The following SGCZ variants were observed in gnomAD, a reference collection of about 807,000 sequenced individuals.
SGCZ encodes sarcoglycan zeta.
In SGCZ, 40 loss-of-function variants were observed where a neutral mutation model predicts 41.3. The observed-to-expected ratio is 0.97, with a 90% confidence interval of 0.75 to 1.26. The LOEUF (loss-of-function observed/expected upper bound fraction) is 1.26, where lower values mean the gene tolerates loss of function less well. SGCZ is among the 50% of genes most tolerant of loss of function. The probability of loss-of-function intolerance (pLI) is 0.00; values close to 1 mark genes in which losing one functional copy is unlikely to be tolerated. For synonymous variants in SGCZ, 206 were observed against 137.5 expected, an observed-to-expected ratio of 1.50 and a Z score of -3.49; for missense variants, 552 against 369.8, an observed-to-expected ratio of 1.49 and a Z score of -4.04.
intron 1 of SGCZ, among the ~76,000 whole-genome samples, chr8:14,671,972 C>A (rs901773324): frequency 4.6e-5 from 7 of 152,004 alleles, no homozygotes; most frequent in Non-Finnish European, 1.0e-4. Flanking sequence ...ATTTTCGAAA[C>A]TGAAGAGACA....
intron 2 of SGCZ, among the ~76,000 whole-genome samples, chr8:14,374,679 A>T (rs1039363227): frequency 2.0e-5 from 3 of 152,196 alleles, no homozygotes; most frequent in African/African-American, 7.2e-5. Flanking sequence ...CCTTCAGATA[A>T]GCTCATTGGC....
intron 2 of SGCZ, among the ~76,000 whole-genome samples, chr8:14,407,477 T>C (rs1799243629): frequency 6.6e-6 from 1 of 152,154 alleles, no homozygotes; most frequent in South Asian, 2.1e-4. Flanking sequence ...AAGGTCTCCC[T>C]ATAAGTAGTT....
At chr8:14,497,546 C>G (rs557512602) in intron 2 of SGCZ, among the ~76,000 whole-genome samples, 1 of 151,098 alleles carries the variant, frequency 6.6e-6, no homozygotes, top group African/African-American at 2.4e-5. Context: ...ACATTATGAG[C>G]TTTGTGTGTG....
chr8:14,266,636 G>C (rs546477303), intron 3 of SGCZ, among the ~76,000 whole-genome samples: 67 of 152,198 alleles, frequency 4.4e-4, no homozygotes, highest in African/African-American at 1.6e-3. Flanking sequence ...ATGTAGTGAA[G>C]AGTGAAGAAA....
rs114097600 is a variant in SGCZ, at chr8:14,711,996, T to C, written c.40-157070A>G. Among the ~76,000 whole-genome samples the C allele has an allele frequency of 9.3e-3, 1,414 of 152,164 alleles. 20 individuals carry two copies. The highest frequency in any genetic ancestry group is 0.032 in the African/African-American group (1,339 of 41,498). Reference sequence around the variant, plus strand: ...AACTAAAGCTTAACCAGGCCAGGCGTGGTGGCTCATGCCTGTAATCCCAGC... The same window carrying C: ...AACTAAAGCTTAACCAGGCCAGGCGCGGTGGCTCATGCCTGTAATCCCAGC... On this transcript the variant is annotated intron_variant, in intron 1 of 7. Transcript: ENST00000382080.
intron 2 of SGCZ, among the ~76,000 whole-genome samples, chr8:14,344,198 C>A (rs1484300720): frequency 1.3e-5 from 2 of 151,788 alleles, no homozygotes; most frequent in East Asian, 3.9e-4. Context: ...AATAGGGGTA[C>A]AGAGGAATAG....
intron 1 of SGCZ, among the ~76,000 whole-genome samples, chr8:14,711,435 CAAA>C (rs543412312): frequency 0.051 from 5,249 of 102,950 alleles, 327 homozygotes; most frequent in African/African-American, 0.17. Flanking sequence ...ACTAAAAATA[CAAA>C]AAAAAAAAAA....
intron 1 of SGCZ, among the ~76,000 whole-genome samples, chr8:15,040,907 T>G (rs1187900146): frequency 5.9e-5 from 9 of 152,140 alleles, no homozygotes; most frequent in Non-Finnish European, 1.2e-4. Context: ...TGAAAAGCTA[T>G]ATAACTTAAA....
At chr8:14,456,215 C>A (rs1800738995) in intron 2 of SGCZ, among the ~76,000 whole-genome samples, 1 of 152,106 alleles carries the variant, frequency 6.6e-6, no homozygotes, top group Non-Finnish European at 1.5e-5. Flanking sequence ...TTGAGACCAT[C>A]CTGACCAACA....
At chr8:14,517,696 C>A (rs1033132345) in intron 2 of SGCZ, among the ~76,000 whole-genome samples, 1 of 151,854 alleles carries the variant, frequency 6.6e-6, no homozygotes, top group African/African-American at 2.4e-5. Flanking sequence ...TTGGCATACG[C>A]ATTTTTAGGG....
chr8:14,728,016 C>T (rs984535918), intron 1 of SGCZ, among the ~76,000 whole-genome samples: 5 of 152,062 alleles, frequency 3.3e-5, no homozygotes, highest in Admixed American at 2.6e-4. Flanking sequence ...CTACTTGATG[C>T]GTCCATTTAT....
intron 1 of SGCZ, among the ~76,000 whole-genome samples, chr8:14,697,274 G>C (rs1808994850): frequency 6.6e-6 from 1 of 151,996 alleles, no homozygotes; most frequent in African/African-American, 2.4e-5. Context: ...TGCCAGAAAT[G>C]ACTCTTGGCA....
chr8:15,081,142 G>A (rs1315229962), intron 1 of SGCZ, among the ~76,000 whole-genome samples: 1 of 152,140 alleles, frequency 6.6e-6, no homozygotes, highest in Non-Finnish European at 1.5e-5. Flanking sequence ...CATATAGTAT[G>A]CTTCTCAAAA....
intron 1 of SGCZ, among the ~76,000 whole-genome samples, chr8:14,756,471 C>T (rs1170516606): frequency 6.6e-6 from 1 of 152,148 alleles, no homozygotes; most frequent in African/African-American, 2.4e-5. Flanking sequence ...AGGCTTGAGC[C>T]ACCACGCCCA....
intron 1 of SGCZ, among the ~76,000 whole-genome samples, chr8:14,844,607 A>G (rs1014559856): frequency 2.0e-5 from 3 of 152,172 alleles, no homozygotes; most frequent in African/African-American, 7.2e-5. Context: ...TTGTCCTAAC[A>G]TGAGGAGATT....
At chr8:14,715,132 C>G (rs1809646752) in intron 1 of SGCZ, among the ~76,000 whole-genome samples, 1 of 151,996 alleles carries the variant, frequency 6.6e-6, no homozygotes, top group Non-Finnish European at 1.5e-5. Flanking sequence ...TCATGGAAAT[C>G]TGGAAAATAA....
At chr8:15,013,454 A>T (rs1802911762) in intron 1 of SGCZ, among the ~76,000 whole-genome samples, 1 of 152,218 alleles carries the variant, frequency 6.6e-6, no homozygotes, top group Admixed American at 6.5e-5. Flanking sequence ...GGCCACAAAT[A>T]GTTCCTCAAA....
At chr8:15,039,230 G>T (rs893502113) in intron 1 of SGCZ, among the ~76,000 whole-genome samples, 2 of 152,136 alleles carry the variant, frequency 1.3e-5, no homozygotes, top group African/African-American at 4.8e-5. Context: ...TCAGCCCAAA[G>T]TGTCAATTGA....
At position 14,324,114 on chromosome 8, in the gene SGCZ, G is replaced by T; in HGVS notation, c.325C>A (p.His109Asn). 1 of 1,610,450 alleles carries T rather than the reference G, an allele frequency of 6.2e-7. No individual in the cohort carries two copies. The highest frequency in any genetic ancestry group is 8.5e-7 in the Non-Finnish European group (1 of 1,177,572). Residue 109 changes from histidine to asparagine, a missense_variant, in exon 3 of 8, where the codon CAT becomes AAT. Transcript: ENST00000382080. ...CCAGTATCACATACCTTTCGAGAAT[G>T]AATTTCTTTCACATACAATGGAAGT... is the stretch of plus-strand genomic sequence containing the variant. ...FLLPLYVKEI[H>N]SRKDSPLVLQ... is the part of the protein sequence containing the mutation.
Sources: allele counts gnomAD v4.1 joint callset (sites outside exome capture counted in the v4.1 genomes callset), GRCh38; gene constraint gnomAD v4.1.1; transcripts MANE v1.5; gene names NCBI Gene and HGNC (gene_info 2026-07-23, HGNC 2026-07-21).